Variants in CTNND2 observed in about 807,000 individuals in gnomAD.
The protein encoded by CTNND2 is catenin delta-2.
CTNND2 carries 22 observed loss-of-function variants against 144.4 expected under a neutral mutation model. The ratio of observed to expected loss-of-function variants is 0.15; its 90% CI spans 0.11 to 0.22. CTNND2 has a LOEUF of 0.22. Ranked by LOEUF, CTNND2 falls within the 10% of genes least tolerant of loss-of-function variation. CTNND2 has a pLI of 1.00. For synonymous variants in CTNND2, 751 were observed against 695.6 expected (o/e 1.08, Z -1.25); for missense variants, 1,353 against 1,618.8 (o/e 0.84, Z 2.82).
intron 1 of CTNND2, among the ~76,000 whole-genome samples, chr5:11,821,916 T>C (rs536003649): frequency 6.6e-6 from 1 of 152,154 alleles, no homozygotes; most frequent in Admixed American, 6.5e-5. Context: ...AGCAAATATG[T>C]CCCCCAAATA....
At chr5:11,550,971 T>C (rs1775705338) in intron 3 of CTNND2, among the ~76,000 whole-genome samples, 1 of 152,218 alleles carries the variant, frequency 6.6e-6, no homozygotes, top group Non-Finnish European at 1.5e-5. Context: ...GCCCTAGCTC[T>C]GCAGCCTCTG....
At chr5:11,124,607 TCTC>T (rs1264653210) in intron 12 of CTNND2, among the ~76,000 whole-genome samples, 1 of 152,160 alleles carries the variant, frequency 6.6e-6, no homozygotes, top group African/African-American at 2.4e-5. Flanking sequence ...CTTTTTCTTC[TCTC>T]CTCCTCTTTC....
chr5:11,789,157 T>G (rs1042296883), intron 1 of CTNND2, among the ~76,000 whole-genome samples: 11 of 152,198 alleles, frequency 7.2e-5, no homozygotes, highest in Admixed American at 7.2e-4. Context: ...GAAGACAGTG[T>G]GGTGATTTCT....
intron 2 of CTNND2, among the ~76,000 whole-genome samples, chr5:11,631,583 A>G (rs1781417238): frequency 6.6e-6 from 1 of 152,146 alleles, no homozygotes; most frequent in Non-Finnish European, 1.5e-5. Context: ...CACCACCTCC[A>G]AGTATAGAGC....
chr5:11,134,339 C>G (rs560243354), intron 12 of CTNND2, among the ~76,000 whole-genome samples: 1 of 152,294 alleles, frequency 6.6e-6, no homozygotes, highest in South Asian at 2.1e-4. Context: ...GATACAGGCT[C>G]TTCTGTGCAA....
At chr5:11,304,898 G>A (rs1168989625) in intron 9 of CTNND2, among the ~76,000 whole-genome samples, 1 of 152,208 alleles carries the variant, frequency 6.6e-6, no homozygotes, top group Non-Finnish European at 1.5e-5. Context: ...AAAGAACCGA[G>A]TTTAAGAAGC....
At chr5:11,616,289 ACC>A (rs1404938059) in intron 2 of CTNND2, among the ~76,000 whole-genome samples, 8 of 152,198 alleles carry the variant, frequency 5.3e-5, no homozygotes, top group African/African-American at 1.9e-4. Flanking sequence ...TTTGTCAAGC[ACC>A]TAAAAATATT....
At chr5:11,552,233 G>T (rs1775823144) in intron 3 of CTNND2, among the ~76,000 whole-genome samples, 1 of 152,136 alleles carries the variant, frequency 6.6e-6, no homozygotes, top group African/African-American at 2.4e-5. Context: ...CCACTCCAAG[G>T]TATCCCTCAG....
At position 10,998,620 on chromosome 5, in the gene CTNND2, G is replaced by A. The variant is rs897644190; in HGVS notation, c.3085-5943C>T. Among the ~76,000 whole-genome samples, 4 of 152,126 alleles carry A rather than the reference G, an allele frequency of 2.6e-5. 1 individual carries two copies. Among genetic ancestry groups the A allele is most frequent in the South Asian group, 4.2e-4 (2 of 4,818 alleles). On this transcript the variant is annotated intron_variant, in intron 18 of 21. Coordinates refer to ENST00000304623, the MANE Select transcript of CTNND2 (RefSeq NM_001332.4). The stretch of plus-strand genomic sequence containing the variant: ...GAAAGGACTTTAAAACTTTAGTTCC[G>A]ATGCCACATACAGTTGGCCCTCTGT...
chr5:11,659,498 T>C (rs937746951), intron 2 of CTNND2, among the ~76,000 whole-genome samples: 15 of 152,156 alleles, frequency 9.9e-5, no homozygotes, highest in African/African-American at 3.4e-4. Flanking sequence ...TGGTGCATTA[T>C]AGCTTTCAAG....
chr5:11,267,418 G>C (rs1457879292), intron 9 of CTNND2, among the ~76,000 whole-genome samples: 1 of 152,170 alleles, frequency 6.6e-6, no homozygotes, highest in Non-Finnish European at 1.5e-5. Context: ...TGCCTCTCCA[G>C]GGGAAAGCCA....
At chr5:11,854,937 A>C (rs1795184537) in intron 1 of CTNND2, among the ~76,000 whole-genome samples, 1 of 152,210 alleles carries the variant, frequency 6.6e-6, no homozygotes, top group South Asian at 2.1e-4. Context: ...AAGAGGCCCC[A>C]CTATTCTCTT....
Position 10,973,538 on chromosome 5 carries a change from A to C in CTNND2, c.3593T>G (p.Val1198Gly). Residue 1198 changes from valine to glycine, a missense_variant, in exon 22 of 22, where the codon GTT becomes GGT. By Grantham distance (109) the Val-to-Gly change is moderately radical. Coordinates refer to ENST00000304623, the MANE Select transcript of CTNND2 (RefSeq NM_001332.4). The surrounding 1 kb of genome is among the most constrained non-coding windows in gnomAD (Gnocchi z 5.6). ...GGGACGGGCAGCTGAGTAGAAGTCAACGTAGTTGCCGGTGGACTTGAGACC... is the reference window on the plus strand; with the variant it reads ...GGGACGGGCAGCTGAGTAGAAGTCACCGTAGTTGCCGGTGGACTTGAGACC... Reference protein sequence around the residue: ...HLGLKSTGNYVDFYSAARPYS... With the variant: ...HLGLKSTGNYGDFYSAARPYS... The C allele has an allele frequency of 1.2e-6, 2 of 1,614,102 alleles. No individual in the cohort carries two copies. Among genetic ancestry groups the C allele is most frequent in the Non-Finnish European group, 1.7e-6 (2 of 1,179,986 alleles).
intron 9 of CTNND2, among the ~76,000 whole-genome samples, chr5:11,324,799 C>G (rs937370468): frequency 1.3e-5 from 2 of 152,174 alleles, no homozygotes; most frequent in Non-Finnish European, 2.9e-5. Context: ...AAAGCAACTC[C>G]AGACATCCTT....
At chr5:11,122,935 G>A (rs542046131) in intron 12 of CTNND2, among the ~76,000 whole-genome samples, 3 of 152,116 alleles carry the variant, frequency 2.0e-5, no homozygotes, top group South Asian at 2.1e-4. Context: ...GGATACCTGC[G>A]ACCCCTCAGG....
chr5:11,070,500 A>G (rs988595672), intron 16 of CTNND2, among the ~76,000 whole-genome samples: 3 of 152,186 alleles, frequency 2.0e-5, no homozygotes, highest in Admixed American at 6.5e-5. Context: ...ATGTAGTGTA[A>G]TATACATGTA....
At chr5:11,872,189 C>A (rs1201663350) in intron 1 of CTNND2, among the ~76,000 whole-genome samples, 2 of 152,096 alleles carry the variant, frequency 1.3e-5, no homozygotes, top group East Asian at 3.9e-4. Flanking sequence ...CGGCTTCATC[C>A]GTGTCCCTGC....
chr5:11,526,003 CAAG>C (rs1773211673), intron 3 of CTNND2, among the ~76,000 whole-genome samples: 1 of 152,210 alleles, frequency 6.6e-6, no homozygotes, highest in African/African-American at 2.4e-5. Flanking sequence ...CTCCCAGGTT[CAAG>C]GATTCTCCTG....
At chr5:11,351,526 C>G (rs368328987) in intron 8 of CTNND2, among the ~76,000 whole-genome samples, 1 of 152,088 alleles carries the variant, frequency 6.6e-6, no homozygotes, top group African/African-American at 2.4e-5. Context: ...AGATGTTTTA[C>G]GTTTATGTGC....
Sources: allele counts gnomAD v4.1 joint callset (sites outside exome capture counted in the v4.1 genomes callset), GRCh38; gene constraint gnomAD v4.1.1; non-coding constraint Gnocchi (gnomAD v3.1); transcripts MANE v1.5; gene names NCBI Gene and HGNC (gene_info 2026-07-23, HGNC 2026-07-21).